The following ZNF75A variants were observed in gnomAD, a reference collection of about 807,000 sequenced individuals.
The protein encoded by ZNF75A is zinc finger protein 75A.
A neutral mutation model predicts 46.3 loss-of-function variants in ZNF75A; 36 were observed. The ratio of observed to expected loss-of-function variants is 0.78; its 90% CI spans 0.60 to 1.03. ZNF75A has a LOEUF of 1.03. Ranked by LOEUF, ZNF75A falls within the 50% of genes least tolerant of loss-of-function variation. The pLI, the probability that ZNF75A is intolerant of heterozygous loss-of-function variation, is 0.00. For synonymous variants in ZNF75A, 234 were observed against 189.9 expected (o/e 1.23, Z -1.91); for missense variants, 595 against 551.3 (o/e 1.08, Z -0.79).
chr16:3,308,163 A>C (rs940905557), intron 1 of ZNF75A, 150 bp from the exon 2 acceptor site: 1 of 152,442 alleles, frequency 6.6e-6, no homozygotes, highest in Non-Finnish European at 1.5e-5. Context: ...TCAGCTGAAT[A>C]ATAGAAAAGG....
chr16:3,322,121 A>C (rs761123241), downstream of ZNF75A, among the ~76,000 whole-genome samples: 1 of 152,012 alleles, frequency 6.6e-6, no homozygotes, highest in African/African-American at 2.4e-5. Context: ...AGCTCTCCCC[A>C]CATTCTCTGT....
At chr16:3,309,779 AAGG>A (rs1382670747) in intron 2 of ZNF75A, among the ~76,000 whole-genome samples, 2 of 151,688 alleles carry the variant, frequency 1.3e-5, no homozygotes, top group South Asian at 2.1e-4. Flanking sequence ...GCAGATCCAC[AAGG>A]AGAACACAGG....
In ZNF75A at chr16:3,318,451, G is replaced by A; in HGVS notation, c.*582G>A. On this transcript the variant is annotated 3_prime_UTR_variant, in exon 7 of 7. Coordinates refer to ENST00000669516, the MANE Select transcript of ZNF75A (RefSeq NM_001302109.2). ...AATGCACTGTCTTATGCCTCTCATTGGTGATGTTTGGAAAATAGAAGACAT... is the reference window on the plus strand; with the variant it reads ...AATGCACTGTCTTATGCCTCTCATTAGTGATGTTTGGAAAATAGAAGACAT... 1.0e-6 allele frequency: 1 copy of A among 985,392 alleles called. No individual in the cohort carries two copies. Among genetic ancestry groups the A allele is most frequent in the Non-Finnish European group, 1.2e-6 (1 of 829,946 alleles). The allele number at this position is 985,392 out of a possible 1,614,324, so 61.0% of individuals were successfully genotyped here.
At position 3,311,965 on chromosome 16, in the gene ZNF75A, T is replaced by C. The variant is rs1458324767; in HGVS notation, c.604+17T>C. On this transcript the variant is annotated intron_variant, in intron 3 of 6. Coordinates refer to ENST00000669516, the MANE Select transcript of ZNF75A (RefSeq NM_001302109.2). ...ATGAGAGGGGTAAGGAGCTTCATGA[T>C]AATTTTCTTCTCCTGGGAGCTGTGA... 10 of 983,506 alleles carry C rather than the reference T, an allele frequency of 1.0e-5. No individual in the cohort carries two copies. Among genetic ancestry groups the C allele is most frequent in the Non-Finnish European group, 8.5e-6 (7 of 827,854 alleles). The allele number at this position is 983,506 out of a possible 1,614,324, so 60.9% of individuals were successfully genotyped here.
At chr16:3,318,898 G>C (rs1961416542), downstream of ZNF75A, 8 of 930,734 alleles carry the variant, frequency 8.6e-6, no homozygotes, top group Non-Finnish European at 1.0e-5. Context: ...ATGTTGTTCT[G>C]TCCTGTCCTG....
chr16:3,323,228 A>G (rs763013791), downstream of ZNF75A: 4 of 757,924 alleles, frequency 5.3e-6, no homozygotes, highest in Admixed American at 1.8e-5. Flanking sequence ...ATTCACCCCA[A>G]TAGCCAGATG....
In ZNF75A at chr16:3,313,163, G is replaced by C. The variant is rs1960939090; in HGVS notation, c.811G>C (p.Val271Leu). 6.2e-7 allele frequency: 1 copy of C among 1,613,894 alleles called. No individual in the cohort carries two copies. Among genetic ancestry groups the C allele is most frequent in the Non-Finnish European group, 8.5e-7 (1 of 1,179,904 alleles). Residue 271 changes from valine to leucine, a missense_variant, in exon 5 of 7, where the codon GTC becomes CTC. Coordinates refer to ENST00000669516, the MANE Select transcript of ZNF75A (RefSeq NM_001302109.2). The part of the protein sequence containing the change: ...NDVMQENYET[V>L]ISLALFVLPK... ...TGTAATGCAGGAAAACTATGAGACTGTCATCTCTCTAGGTAAAGATTTTCC... is the reference window on the plus strand; with the variant it reads ...TGTAATGCAGGAAAACTATGAGACTCTCATCTCTCTAGGTAAAGATTTTCC...
chr16:3,317,379 G>C lies in ZNF75A; in HGVS notation c.1124G>C (p.Arg375Thr). 6.2e-7 allele frequency: 1 copy of C among 1,613,762 alleles called. No homozygotes were observed. The highest frequency in any genetic ancestry group is 8.5e-7 in the Non-Finnish European group (1 of 1,179,692). The part of the protein sequence containing the change: ...KWHQDFPVKK[R>T]KKLSTWKQEL... ...CACCAAGATTTTCCAGTGAAGAAAA[G>C]AAAGAAACTTTCAACCTGGAAACAA... Residue 375 changes from arginine (R) to threonine (T), a missense_variant, in exon 7 of 7, where the codon AGA becomes ACA. Coordinates refer to ENST00000669516, the MANE Select transcript of ZNF75A (RefSeq NM_001302109.2).
intron 2 of ZNF75A, among the ~76,000 whole-genome samples, chr16:3,311,199 A>G (rs1960755038): frequency 6.6e-6 from 1 of 150,762 alleles, no homozygotes; most frequent in African/African-American, 2.5e-5. Flanking sequence ...GCACTTTGGG[A>G]GGCTGAGGTG....
At chr16:3,310,912 G>C in intron 2 of ZNF75A, 1 of 985,410 alleles carries the variant, frequency 1.0e-6, no homozygotes, top group Non-Finnish European at 1.2e-6. Context: ...AGAATACAGG[G>C]CAGGACCTAT....
rs578217846 is a variant in ZNF75A at position 3,317,858 on chromosome 16, C to G, written c.1603C>G (p.Leu535Val). The change falls in exon 7 of 7, where the codon CTC becomes GTC. Residue 535 changes from leucine to valine, a missense_variant. Leu to Val is a conservative substitution (Grantham distance 32, BLOSUM62 1). Coordinates refer to ENST00000669516, the MANE Select transcript of ZNF75A (RefSeq NM_001302109.2). ...GTCAAGCCTTCTTAGACACCAGAAA[C>G]TCCACCTGTGAAGAGAAGCTTGTCC... is the stretch of plus-strand genomic sequence containing the variant. ...RRSSLLRHQKLHL is the reference protein window; with the variant it reads ...RRSSLLRHQKVHL The G allele has an allele frequency of 2.1e-5, 33 of 1,606,130 alleles. No homozygotes were observed. The highest frequency in any genetic ancestry group is 2.8e-5 in the Non-Finnish European group (33 of 1,175,522).
intron 5 of ZNF75A, chr16:3,315,886 T>A (rs940236966): frequency 6.6e-6 from 1 of 152,244 alleles, no homozygotes; most frequent in African/African-American, 2.4e-5. Context: ...TGCACATGTG[T>A]CCTGCTACTG....
chr16:3,313,989 C>T (rs902568243), intron 5 of ZNF75A, among the ~76,000 whole-genome samples: 1 of 152,114 alleles, frequency 6.6e-6, no homozygotes, highest in African/African-American at 2.4e-5. Flanking sequence ...TTCCTGAATA[C>T]TTCATTTTCA....
chr16:3,310,791 G>A (rs1881094920), intron 2 of ZNF75A: 3 of 985,318 alleles, frequency 3.0e-6, no homozygotes, highest in Non-Finnish European at 3.6e-6. Context: ...GTAGATGAAA[G>A]TCTCTACTGC....
At chr16:3,321,265 C>T (rs752121924), downstream of ZNF75A, among the ~76,000 whole-genome samples, 10 of 152,116 alleles carry the variant, frequency 6.6e-5, no homozygotes, top group East Asian at 1.5e-3. Flanking sequence ...CTCCATAAAC[C>T]GGCAGATGAT....
At chr16:3,314,346 C>G (rs1161034923) in intron 5 of ZNF75A, among the ~76,000 whole-genome samples, 1 of 152,214 alleles carries the variant, frequency 6.6e-6, no homozygotes, top group Admixed American at 6.5e-5. Flanking sequence ...CCTGAGCAGA[C>G]AAACACCAAA....
At chr16:3,314,638 A>C in intron 5 of ZNF75A, 1 of 984,406 alleles carries the variant, frequency 1.0e-6, no homozygotes. Flanking sequence ...TTTTTCTTAA[A>C]TCGTATTCTG....
Position 3,317,852 on chromosome 16 carries a change from C to G in ZNF75A, c.1597C>G (p.Gln533Glu). Residue 533 changes from glutamine to glutamate, a missense_variant, in exon 7 of 7, where the codon CAG (glutamine) becomes GAG (glutamate). Gln to Glu is a conservative substitution (Grantham distance 29). Transcript: ENST00000669516. ...FSRRSSLLRH[Q>E]KLHL ...CAGGCGGTCAAGCCTTCTTAGACAC[C>G]AGAAACTCCACCTGTGAAGAGAAGC... is the stretch of plus-strand genomic sequence containing the variant. 6.2e-7 allele frequency: 1 copy of G among 1,608,168 alleles called. No homozygotes were observed. Among genetic ancestry groups the G allele is most frequent in the Non-Finnish European group, 8.5e-7 (1 of 1,176,484 alleles).
intron 5 of ZNF75A, among the ~76,000 whole-genome samples, 190 bp downstream of exon 5, chr16:3,313,365 A>G (rs1252002587): frequency 1.3e-5 from 2 of 152,210 alleles, no homozygotes; most frequent in Non-Finnish European, 2.9e-5. Flanking sequence ...CCGATTGCTT[A>G]TCCCACATTG....
Sources: allele counts gnomAD v4.1 joint callset (sites outside exome capture counted in the v4.1 genomes callset), GRCh38; gene constraint gnomAD v4.1.1; transcripts MANE v1.5; gene names NCBI Gene and HGNC (gene_info 2026-07-23, HGNC 2026-07-21).